Variants in CXorf66 observed in about 807,000 individuals in gnomAD.
CXorf66 encodes the protein chromosome X open reading frame 66.
CXorf66 carries 6 observed loss-of-function variants against 5.0 expected under a neutral mutation model. The ratio of observed to expected loss-of-function variants is 1.20; its 90% CI spans 0.65 to 2.36. The LOEUF (loss-of-function observed/expected upper bound fraction) is 2.36, where lower values mean the gene tolerates loss of function less well. Among genes scored for constraint, CXorf66 ranks in the 30% most tolerant of loss-of-function variants. The probability of loss-of-function intolerance (pLI) is 0.00; values close to 1 mark genes in which losing one functional copy is unlikely to be tolerated. For synonymous variants in CXorf66, 98 were observed against 102.8 expected, an observed-to-expected ratio of 0.95 and a Z score of 0.28; for missense variants, 270 against 254.9, an observed-to-expected ratio of 1.06 and a Z score of -0.40.
Position 139,956,397 on chromosome X carries a change from G to A in CXorf66, c.585C>T (p.Asp195=), listed in dbSNP as rs2085573607. 2 of 1,210,176 alleles carry A rather than the reference G, an allele frequency of 1.7e-6. No individual in the cohort carries two copies. Among genetic ancestry groups the A allele is most frequent in the African/African-American group, 3.5e-5 (2 of 57,239 alleles). The change falls in exon 3 of 3, where the codon GAC becomes GAT. Residue 195 remains aspartate (D), a synonymous_variant. Coordinates refer to ENST00000370540, the MANE Select transcript of CXorf66 (RefSeq NM_001013403.3). The part of the protein sequence containing the change: ...KGSLEKLCKL[D]YACKLASSDK... The stretch of plus-strand genomic sequence containing the variant: ...CTGAACTGGCTAGCTTACACGCATA[G>A]TCTAGCTTACATAATTTTTCTAGGC...
rs1461288931 is a variant in CXorf66, at chrX:139,955,897, T to G, written c.1085A>C (p.Ter362SerextTer10). ...TTGGATTTTATTTTTGTTGAGCTCC[T>G]AATCATTTAGGGTTACTTCAGAGGT... The part of the protein sequence containing the change: ...QVTSEVTLND[*>S] Residue 362 changes from the stop codon to serine, a stop_lost, in exon 3 of 3, where the codon TAG (stop) becomes TCG (serine). Transcript: ENST00000370540. 1 of 1,175,549 alleles carries G rather than the reference T, an allele frequency of 8.5e-7. No individual in the cohort carries two copies. Among genetic ancestry groups the G allele is most frequent in the East Asian group, 3.0e-5 (1 of 33,509 alleles).
intron 1 of CXorf66, among the ~76,000 whole-genome samples, chrX:139,960,366 AG>A (rs1203788137): frequency 9.1e-6 from 1 of 109,480 alleles, no homozygotes; most frequent in Non-Finnish European, 1.9e-5. Context: ...GTGTGAAAAC[AG>A]GATTAGAGAA....
At position 139,956,543 on chromosome X, in the gene CXorf66, A is replaced by T. The variant is rs1296538832; in HGVS notation, c.439T>A (p.Ser147Thr). 4 of 1,210,881 alleles carry T rather than the reference A, an allele frequency of 3.3e-6. No homozygotes were observed. The South Asian group carries it at 7.0e-5, about 21-fold the overall frequency. Reference protein sequence around the residue: ...LIRPSSLQKPSIPNSAGKLTR... With the variant: ...LIRPSSLQKPTIPNSAGKLTR... ...AACTTTCCTGCACTGTTTGGTATGGATGGCTTTTGTAGACTTGAGGGTCTG... is the reference window on the plus strand; with the variant it reads ...AACTTTCCTGCACTGTTTGGTATGGTTGGCTTTTGTAGACTTGAGGGTCTG... Residue 147 changes from serine to threonine, a missense_variant, in exon 3 of 3, where the codon TCC (serine) becomes ACC (threonine). Ser to Thr is a moderately conservative substitution (Grantham distance 58). Coordinates refer to ENST00000370540, the MANE Select transcript of CXorf66 (RefSeq NM_001013403.3).
At position 139,965,521 on chromosome X, in the gene CXorf66, T is replaced by G. The variant is rs1328808301; in HGVS notation, c.-25A>C. On this transcript the variant is annotated 5_prime_UTR_variant, in exon 1 of 3. Transcript: ENST00000370540. Reference sequence around the variant, plus strand: ...TGTCCGCAACTTGGTTCAAATGATTTGTCTACTAAGGTAACTACTGAATTT... The same window carrying G: ...TGTCCGCAACTTGGTTCAAATGATTGGTCTACTAAGGTAACTACTGAATTT... The G allele has an allele frequency of 7.5e-6, 8 of 1,067,365 alleles. No homozygotes were observed. Among genetic ancestry groups the G allele is most frequent in the Non-Finnish European group, 1.0e-5 (8 of 767,227 alleles). The allele number at this position is 1,067,365 out of a possible 1,213,427, so 88.0% of individuals were successfully genotyped here.
chrX:139,962,641 A>G (rs911048491), intron 1 of CXorf66, among the ~76,000 whole-genome samples: 2 of 112,051 alleles, frequency 1.8e-5, no homozygotes, highest in African/African-American at 6.5e-5. Context: ...TCAGGTCAAT[A>G]TCCCTGATGA....
At position 139,958,178 on chromosome X, in the gene CXorf66, T is replaced by C; in HGVS notation, c.128A>G (p.Tyr43Cys). 8.4e-7 allele frequency: 1 copy of C among 1,192,645 alleles called. No homozygotes were observed. Among genetic ancestry groups the C allele is most frequent in the Non-Finnish European group, 1.1e-6 (1 of 884,861 alleles). The change falls in exon 2 of 3, where the codon TAC (tyrosine) becomes TGC (cysteine). Residue 43 changes from tyrosine (Y) to cysteine (C), a missense_variant. Transcript: ENST00000370540. Reference protein sequence around the residue: ...PVESMQTKLNYLRRNLLILVG... With the variant: ...PVESMQTKLNCLRRNLLILVG... Reference sequence around the variant, plus strand: ...TAAAATGAGTAGATTTCTTCTAAGGTAGTTCAATTTTGTCTGCATTGATTC... The same window carrying C: ...TAAAATGAGTAGATTTCTTCTAAGGCAGTTCAATTTTGTCTGCATTGATTC...
chrX:139,956,746 G>A lies in CXorf66; in HGVS notation c.243-7C>T, dbSNP rs1042307755. On this transcript the variant is annotated splice_polypyrimidine_tract_variant and splice_region_variant and intron_variant, in intron 2 of 2. Coordinates refer to ENST00000370540, the MANE Select transcript of CXorf66 (RefSeq NM_001013403.3). ...TATGCCTTTTTTCTTGACCCTGAAA[G>A]TATAGAAAATTTGGAGTATAATGAT... is the stretch of plus-strand genomic sequence containing the variant. 3.4e-6 allele frequency: 4 copies of A among 1,192,770 alleles called. No homozygotes were observed. The African/African-American group carries it at 7.1e-5, about 21-fold the overall frequency.
chrX:139,958,597 A>G (rs1351887462), intron 1 of CXorf66, among the ~76,000 whole-genome samples: 3 of 111,931 alleles, frequency 2.7e-5, no homozygotes, highest in Non-Finnish European at 3.8e-5. Context: ...AAAACCTACT[A>G]TATGCTGGAG....
chrX:139,959,759 C>T (rs2085586743), intron 1 of CXorf66, among the ~76,000 whole-genome samples: 2 of 111,892 alleles, frequency 1.8e-5, no homozygotes, highest in Admixed American at 9.5e-5. Context: ...CTGCAGCCTC[C>T]GCTGGTGATA....
rs780167308 is a variant in CXorf66, at chrX:139,958,153, T to G, written c.153A>C (p.Leu51Phe). ...CAAAAACCATGATGATAATACCAAC[T>G]AAAATGAGTAGATTTCTTCTAAGGT... ...LNYLRRNLLI[L>F]VGIIIMVFVF... The change falls in exon 2 of 3, where the codon TTA becomes TTC. Residue 51 changes from leucine to phenylalanine, a missense_variant. Transcript: ENST00000370540. The G allele has an allele frequency of 8.3e-7, 1 of 1,199,283 alleles. No individual in the cohort carries two copies. Among genetic ancestry groups the G allele is most frequent in the Non-Finnish European group, 1.1e-6 (1 of 886,686 alleles).
At chrX:139,959,342 CTG>C (rs1196107411) in intron 1 of CXorf66, among the ~76,000 whole-genome samples, 2 of 111,929 alleles carry the variant, frequency 1.8e-5, no homozygotes, top group Non-Finnish European at 3.8e-5. Flanking sequence ...TGCAAAGCAA[CTG>C]TGGCCAGACT....
chrX:139,958,978 C>G (rs1181603531), intron 1 of CXorf66, among the ~76,000 whole-genome samples: 2 of 111,956 alleles, frequency 1.8e-5, no homozygotes, highest in Non-Finnish European at 3.8e-5. Context: ...GTTTCAAGCA[C>G]AAAACTGGGT....
chrX:139,959,968 A>C (rs1031310690), intron 1 of CXorf66, among the ~76,000 whole-genome samples: 1 of 112,007 alleles, frequency 8.9e-6, no homozygotes, highest in African/African-American at 3.2e-5. Flanking sequence ...AAGATGAGGA[A>C]AACCCAGCAC....
rs1444885983 is a variant in CXorf66 at position 139,956,591 on chromosome X, G to T, written c.391C>A (p.Gln131Lys). The change falls in exon 3 of 3, where the codon CAA becomes AAA. Residue 131 changes from glutamine to lysine, a missense_variant. Gln to Lys is a moderately conservative substitution (Grantham distance 53). Coordinates refer to ENST00000370540, the MANE Select transcript of CXorf66 (RefSeq NM_001013403.3). ...DSSSPERASA[Q>K]SSTEKLIRPS... Reference sequence around the variant, plus strand: ...CTGATTAATTTTTCTGTGCTGGATTGTGCGGATGCCCTTTCTGGACTCGAT... The same window carrying T: ...CTGATTAATTTTTCTGTGCTGGATTTTGCGGATGCCCTTTCTGGACTCGAT... The T allele has an allele frequency of 2.5e-6, 3 of 1,209,263 alleles. No individual in the cohort carries two copies. The highest frequency in any genetic ancestry group is 1.8e-5 in the South Asian group (1 of 56,795).
At chrX:139,961,193 G>A (rs758279582) in intron 1 of CXorf66, among the ~76,000 whole-genome samples, 5 of 111,441 alleles carry the variant, frequency 4.5e-5, no homozygotes, top group Non-Finnish European at 7.5e-5. Flanking sequence ...CCCATCACAC[G>A]TGAAAAGACA....
At chrX:139,956,779 A>G in intron 2 of CXorf66, 40 bp from the exon 3 acceptor site, 1 of 1,138,110 alleles carries the variant, frequency 8.8e-7, no homozygotes, top group Non-Finnish European at 1.2e-6. Context: ...GATTTAAAAC[A>G]AAAGAGACCT....
intron 1 of CXorf66, among the ~76,000 whole-genome samples, chrX:139,960,472 C>T (rs996960810): frequency 4.5e-5 from 5 of 110,589 alleles, no homozygotes; most frequent in Admixed American, 9.8e-5. Flanking sequence ...CTGAAAGTGA[C>T]GGGGAGAATG....
chrX:139,959,772 C>T (rs1174176639), intron 1 of CXorf66, among the ~76,000 whole-genome samples: 2 of 111,863 alleles, frequency 1.8e-5, no homozygotes, highest in African/African-American at 6.5e-5. Flanking sequence ...TGGTGATACC[C>T]AGGCAAATAG....
Position 139,956,127 on chromosome X carries a change from A to G in CXorf66, c.855T>C (p.Asp285=). 8.3e-7 allele frequency: 1 copy of G among 1,211,793 alleles called. No homozygotes were observed. The highest frequency in any genetic ancestry group is 1.8e-5 in the South Asian group (1 of 56,980). ...TGTTTTTCTCCTTTGCCTCAGAAAT[A>G]TCATTGACCAAAGGCCTATAAGTTT... ...VAKTYRPLVN[D]ISEAKEKNTQ... Residue 285 remains aspartate (D), a synonymous_variant, in exon 3 of 3, where the codon GAT becomes GAC. Transcript: ENST00000370540.
Sources: allele counts gnomAD v4.1 joint callset (sites outside exome capture counted in the v4.1 genomes callset), GRCh38; gene constraint gnomAD v4.1.1; transcripts MANE v1.5; gene names NCBI Gene and HGNC (gene_info 2026-07-23, HGNC 2026-07-21).